Variants in PTBP1 observed in about 807,000 individuals in gnomAD.
PTBP1 encodes polypyrimidine tract binding protein 1.
In PTBP1, 8 loss-of-function variants were observed where a neutral mutation model predicts 59.8. The ratio of observed to expected loss-of-function variants is 0.13; its 90% CI spans 0.08 to 0.24. The LOEUF (loss-of-function observed/expected upper bound fraction) is 0.24. Among genes scored for constraint, PTBP1 ranks in the 10% least tolerant of loss-of-function variants. The pLI is 1.00. For missense variants in PTBP1, 686 were observed against 767.0 expected (o/e 0.89, Z 1.25); for synonymous variants, 490 against 320.7 (o/e 1.53, Z -5.64).
At chr19:807,956 T>G (rs2034655901) in intron 11 of PTBP1, 54 bp downstream of exon 11, 1 of 1,494,822 alleles carries the variant, frequency 6.7e-7, no homozygotes, top group East Asian at 2.3e-5. Flanking sequence ...GAGATGATTT[T>G]GATGCCCTGA....
chr19:798,609 G>C (rs1296285744), intron 1 of PTBP1: 3 of 152,256 alleles, frequency 2.0e-5, no homozygotes, highest in African/African-American at 7.2e-5. Flanking sequence ...CGGGCTCGGG[G>C]GCCGCGCACT....
chr19:806,032 C>T (rs528745302), intron 9 of PTBP1: 1 of 235,710 alleles, frequency 4.2e-6, no homozygotes, highest in South Asian at 8.5e-5. Flanking sequence ...GCAGCGCGTG[C>T]CGCCCGGCGG....
intron 1 of PTBP1, among the ~76,000 whole-genome samples, chr19:799,078 C>T (rs2034211347): frequency 6.6e-6 from 1 of 152,236 alleles, no homozygotes; most frequent in South Asian, 2.1e-4. Context: ...GCCCTTGAAC[C>T]CTCTCAGCGG....
chr19:806,456 C>G lies in PTBP1; in HGVS notation c.1019C>G (p.Pro340Arg), dbSNP rs1349795768. Residue 340 changes from proline to arginine, a missense_variant, in exon 10 of 15, where the codon CCC becomes CGC. Physicochemically the swap from Pro to Arg is moderately radical, Grantham distance 103. Coordinates refer to ENST00000356948, the MANE Select transcript of PTBP1 (RefSeq NM_002819.5). ...VHGALAPLAIPSAAAAAAAAG... is the reference protein window; with the variant it reads ...VHGALAPLAIRSAAAAAAAAG... ...GGCGCCCTGGCCCCCCTGGCCATCC[C>G]CTCGGCGGCGGCGGCAGCTGCGGCG... The G allele has an allele frequency of 6.3e-7, 1 of 1,599,196 alleles. No individual in the cohort carries two copies.
intron 2 of PTBP1, among the ~76,000 whole-genome samples, chr19:802,133 G>A (rs540326334): frequency 6.6e-6 from 1 of 152,288 alleles, no homozygotes; most frequent in East Asian, 1.9e-4. Context: ...GGAGACTCAG[G>A]GCTGCAGTTA....
rs185512887 is a variant in PTBP1 at position 808,700 on chromosome 19, G to A, written c.1401G>A (p.Pro467=). 92 of 1,613,212 alleles carry A rather than the reference G, an allele frequency of 5.7e-5. No homozygotes were observed. The Middle Eastern group carries it at 1.0e-3, about 18-fold the overall frequency. ...GNSPLHRFKK[P]GSKNFQNIFP... is the part of the protein sequence containing the mutation. ...CACCCCTGCACCGCTTCAAGAAGCC[G>A]GGCTCCAAGAACTTCCAGAACATAT... Residue 467 remains proline, a synonymous_variant, in exon 13 of 15, where the codon CCG becomes CCA. Coordinates refer to ENST00000356948, the MANE Select transcript of PTBP1 (RefSeq NM_002819.5). This position sits in a 1 kb window ranked among gnomAD's most constrained non-coding sequence, Gnocchi z 4.7.
At position 804,595 on chromosome 19, in the gene PTBP1, T is replaced by C; in HGVS notation, c.499T>C (p.Ser167Pro). The C allele has an allele frequency of 6.2e-7, 1 of 1,611,614 alleles. No individual in the cohort carries two copies. The highest frequency in any genetic ancestry group is 8.5e-7 in the Non-Finnish European group (1 of 1,179,546). ...VQSGNLALAA[S>P]AAAVDAGMAM... ...GTCGGGGAACCTGGCCTTGGCTGCCTCGGCGGCGGCCGTGGACGCAGGGAT... is the reference window on the plus strand; with the variant it reads ...GTCGGGGAACCTGGCCTTGGCTGCCCCGGCGGCGGCCGTGGACGCAGGGAT... The change falls in exon 6 of 15, where the codon TCG becomes CCG. Residue 167 changes from serine to proline, a missense_variant. Coordinates refer to ENST00000356948, the MANE Select transcript of PTBP1 (RefSeq NM_002819.5).
In PTBP1 at chr19:808,907, C is replaced by T; in HGVS notation, c.1463+145C>T. 1 of 773,682 alleles carries T rather than the reference C, an allele frequency of 1.3e-6. No homozygotes were observed. 47.9% of individuals were successfully genotyped at this position (773,682 alleles called of 1,614,324 possible). ...CCCCAAACCTGAAGTACTGCAAGGCCTGGAGCTTGAGCCGAGGGCTGCTCA... is the reference window on the plus strand; with the variant it reads ...CCCCAAACCTGAAGTACTGCAAGGCTTGGAGCTTGAGCCGAGGGCTGCTCA... On this transcript the variant is annotated intron_variant, in intron 13 of 14. Coordinates refer to ENST00000356948, the MANE Select transcript of PTBP1 (RefSeq NM_002819.5). The surrounding 1 kb of genome is among the most constrained non-coding windows in gnomAD (Gnocchi z 4.7).
intron 10 of PTBP1, chr19:807,163 G>T (rs1221366394): frequency 2.0e-5 from 3 of 152,388 alleles, no homozygotes; most frequent in African/African-American, 4.8e-5. Context: ...CCCTGCCTGT[G>T]CCTCTTACCA....
chr19:799,731 T>C (rs2034247882), intron 2 of PTBP1, among the ~76,000 whole-genome samples: 1 of 152,204 alleles, frequency 6.6e-6, no homozygotes, highest in Non-Finnish European at 1.5e-5. Context: ...AGGCCTGCCT[T>C]TGGAACTTCT....
intron 13 of PTBP1, among the ~76,000 whole-genome samples, chr19:809,297 C>T (rs185131672): frequency 6.1e-5 from 9 of 148,112 alleles, no homozygotes; most frequent in Non-Finnish European, 1.0e-4. Context: ...TGAGCCACCG[C>T]GCCTAGCCAC....
At chr19:805,329 G>A (rs1232656144) in intron 8 of PTBP1, 142 bp downstream of exon 8, 2 of 1,223,318 alleles carry the variant, frequency 1.6e-6, no homozygotes, top group Non-Finnish European at 2.3e-6. Flanking sequence ...GCACGGTCCA[G>A]TGTCCCCCAC....
At chr19:801,891 A>G (rs2034352455) in intron 2 of PTBP1, among the ~76,000 whole-genome samples, 1 of 152,098 alleles carries the variant, frequency 6.6e-6, no homozygotes, top group Non-Finnish European at 1.5e-5. Context: ...TCTGAAAGCG[A>G]GAGGACTCGA....
At position 805,564 on chromosome 19, in the gene PTBP1, C is replaced by G; in HGVS notation, c.965C>G (p.Ala322Gly). The stretch of plus-strand genomic sequence containing the variant: ...CCTCCCACCTTTGCCATTCCTCAAG[C>G]TGCAGGTATTCAAACGCTTGGTCTT... Reference protein sequence around the residue: ...GFPPTFAIPQAAGLSVPNVHG... With the variant: ...GFPPTFAIPQGAGLSVPNVHG... Residue 322 changes from alanine (A) to glycine (G), a missense_variant, in exon 9 of 15, where the codon GCT becomes GGT. Coordinates refer to ENST00000356948, the MANE Select transcript of PTBP1 (RefSeq NM_002819.5). 1 of 1,613,304 alleles carries G rather than the reference C, an allele frequency of 6.2e-7. No homozygotes were observed. The highest frequency in any genetic ancestry group is 8.5e-7 in the Non-Finnish European group (1 of 1,179,230).
chr19:806,259 A>G, intron 9 of PTBP1, 149 bp from the exon 10 acceptor site: 1 of 889,286 alleles, frequency 1.1e-6, no homozygotes, highest in African/African-American at 1.8e-5. Context: ...GGGTCGGACG[A>G]CCCCACAGGC....
At chr19:807,701 C>T in intron 10 of PTBP1, 168 bp from the exon 11 acceptor site, 1 of 603,712 alleles carries the variant, frequency 1.7e-6, no homozygotes, top group Non-Finnish European at 3.0e-6. Flanking sequence ...ACCCTGCTCT[C>T]CGGAAACCAA....
intron 10 of PTBP1, 113 bp downstream of exon 10, chr19:806,669 G>T: frequency 9.5e-7 from 1 of 1,047,344 alleles, no homozygotes. Flanking sequence ...CTGCGCCTCT[G>T]CCCTGGCAGC....
At position 808,481 on chromosome 19, in the gene PTBP1, A is replaced by AGGGGGC; in HGVS notation, c.1246+30_1246+35dup. 1 of 1,496,334 alleles carries AGGGGGC rather than the reference A, an allele frequency of 6.7e-7. No homozygotes were observed. The highest frequency in any genetic ancestry group is 9.1e-7 in the Non-Finnish European group (1 of 1,097,620). The allele number at this position is 1,496,334 out of a possible 1,614,324, so 92.7% of individuals were successfully genotyped here. ...AGAGGCCGGGGCGGCCCCGGGGTGG[A>AGGGGGC]GGGGGCAGGGGCGGGGGCTGCGTTC... On this transcript the variant is annotated intron_variant, in intron 12 of 14. Coordinates refer to ENST00000356948, the MANE Select transcript of PTBP1 (RefSeq NM_002819.5). This position sits in a 1 kb window ranked among gnomAD's most constrained non-coding sequence, Gnocchi z 4.7.
chr19:806,084 G>A (rs2034553707), intron 9 of PTBP1: 1 of 297,058 alleles, frequency 3.4e-6, no homozygotes, highest in Non-Finnish European at 6.2e-6. Context: ...ATGCGCGGTG[G>A]TCCCGGGACG....
Sources: allele counts gnomAD v4.1 joint callset (sites outside exome capture counted in the v4.1 genomes callset), GRCh38; gene constraint gnomAD v4.1.1; non-coding constraint Gnocchi (gnomAD v3.1); transcripts MANE v1.5; gene names NCBI Gene and HGNC (gene_info 2026-07-23, HGNC 2026-07-21).